The following ZNRF3 variants were observed in gnomAD, a reference collection of about 807,000 sequenced individuals.
ZNRF3 encodes the protein E3 ubiquitin-protein ligase ZNRF3.
A neutral mutation model predicts 72.5 loss-of-function variants in ZNRF3; 23 were observed. The observed-to-expected ratio is 0.32, with a 90% confidence interval of 0.23 to 0.45. ZNRF3 has a LOEUF of 0.45. Ranked by LOEUF, ZNRF3 falls within the 20% of genes least tolerant of loss-of-function variation. The probability of loss-of-function intolerance (pLI) is 1.00; values close to 1 mark genes in which losing one functional copy is unlikely to be tolerated. For synonymous variants in ZNRF3, 610 were observed against 545.3 expected (o/e 1.12, Z -1.65); for missense variants, 1,169 against 1,272.1 (o/e 0.92, Z 1.23).
At chr22:29,022,241 G>C (rs1035488679) in intron 2 of ZNRF3, among the ~76,000 whole-genome samples, 1 of 152,112 alleles carries the variant, frequency 6.6e-6, no homozygotes, top group Non-Finnish European at 1.5e-5. Flanking sequence ...CTCTGAACTT[G>C]GGCCAGGATG....
At chr22:28,942,183 C>G (rs545147937) in intron 1 of ZNRF3, among the ~76,000 whole-genome samples, 1 of 152,212 alleles carries the variant, frequency 6.6e-6, no homozygotes, top group Non-Finnish European at 1.5e-5. Context: ...ATCATACTTT[C>G]TTTGAGGATC....
intron 1 of ZNRF3, among the ~76,000 whole-genome samples, chr22:28,893,146 G>T (rs995817006): frequency 6.6e-6 from 1 of 152,038 alleles, no homozygotes; most frequent in Non-Finnish European, 1.5e-5. Context: ...CAGCCTGAGC[G>T]ACTGAGCGAG....
At chr22:28,961,475 C>T (rs1480605672) in intron 1 of ZNRF3, among the ~76,000 whole-genome samples, 2 of 152,150 alleles carry the variant, frequency 1.3e-5, no homozygotes, top group Non-Finnish European at 2.9e-5. Flanking sequence ...CTAGAAAGAT[C>T]ATGTGGAGGC....
chr22:28,947,311 C>G lies in ZNRF3; in HGVS notation c.301-39765C>G, dbSNP rs181935549. 3.3e-3 allele frequency among the ~76,000 whole-genome samples: 509 copies of G among 152,238 alleles called. 2 individuals are homozygous for G. Among genetic ancestry groups the G allele is most frequent in the Middle Eastern group, 6.8e-3 (2 of 294 alleles). On this transcript the variant is annotated intron_variant, in intron 1 of 8. Transcript: ENST00000544604. Reference sequence around the variant, plus strand: ...TTCACTCTGTTTATTATGAACAATGCTGCTATGAATGTTCATGTACAGCTT... The same window carrying G: ...TTCACTCTGTTTATTATGAACAATGGTGCTATGAATGTTCATGTACAGCTT...
chr22:29,001,973 A>C (rs2036157103), intron 2 of ZNRF3, among the ~76,000 whole-genome samples: 1 of 152,116 alleles, frequency 6.6e-6, no homozygotes, highest in Non-Finnish European at 1.5e-5. Flanking sequence ...TTTTCTCTTC[A>C]AAAGCTTTTA....
intron 1 of ZNRF3, among the ~76,000 whole-genome samples, chr22:28,938,601 T>C (rs1368387331): frequency 6.6e-6 from 1 of 152,206 alleles, no homozygotes; most frequent in African/African-American, 2.4e-5. Flanking sequence ...TGAAGCAGGC[T>C]GTCTCTGGTA....
At chr22:28,979,782 T>C (rs2035733572) in intron 1 of ZNRF3, among the ~76,000 whole-genome samples, 2 of 152,192 alleles carry the variant, frequency 1.3e-5, no homozygotes, top group Non-Finnish European at 2.9e-5. Flanking sequence ...AAGCTCTGTG[T>C]AGGGTGAAAG....
At chr22:28,948,354 C>T (rs1233095461) in intron 1 of ZNRF3, among the ~76,000 whole-genome samples, 1 of 151,250 alleles carries the variant, frequency 6.6e-6, no homozygotes, top group Non-Finnish European at 1.5e-5. Context: ...TTTGTAGAGA[C>T]CGAGTCTTGC....
chr22:28,946,637 C>T (rs1231014801), intron 1 of ZNRF3, among the ~76,000 whole-genome samples: 1 of 152,120 alleles, frequency 6.6e-6, no homozygotes, highest in Non-Finnish European at 1.5e-5. Flanking sequence ...GTTATGGATG[C>T]CATCTTTATT....
chr22:28,939,820 G>C (rs1323668840), intron 1 of ZNRF3, among the ~76,000 whole-genome samples: 1 of 152,096 alleles, frequency 6.6e-6, no homozygotes, highest in South Asian at 2.1e-4. Flanking sequence ...GGTTTTTGAA[G>C]AGTTTTTTTC....
chr22:29,046,574 G>A (rs1356613881), intron 5 of ZNRF3, 142 bp from the exon 6 acceptor site: 2 of 905,652 alleles, frequency 2.2e-6, no homozygotes, highest in African/African-American at 3.4e-5. Flanking sequence ...GGCAGTCTGA[G>A]TTCTGAGCGA....
rs562868990 is a variant in ZNRF3 at position 28,902,058 on chromosome 22, T to C, written c.300+17992T>C. On this transcript the variant is annotated intron_variant, in intron 1 of 8. Transcript: ENST00000544604. ...CTCAAGCAATTCTCCTGCCTCAGCC[T>C]CCTGAGTAGCTGGGATTACAGGTGT... is the stretch of plus-strand genomic sequence containing the variant. Among the ~76,000 whole-genome samples the C allele has an allele frequency of 1.1e-4, 17 of 150,134 alleles. No individual in the cohort carries two copies. The South Asian group carries it at 3.7e-3, about 32-fold the overall frequency.
chr22:28,895,978 T>C (rs1471876686), intron 1 of ZNRF3, among the ~76,000 whole-genome samples: 3 of 152,080 alleles, frequency 2.0e-5, no homozygotes, highest in African/African-American at 7.2e-5. Context: ...TGAGGCGGAG[T>C]CTTGCTCTGT....
At chr22:28,907,723 A>G (rs1236516329) in intron 1 of ZNRF3, among the ~76,000 whole-genome samples, 1 of 152,148 alleles carries the variant, frequency 6.6e-6, no homozygotes, top group East Asian at 1.9e-4. Flanking sequence ...CCCCTTTGCA[A>G]TCAGTGGGGA....
intron 2 of ZNRF3, among the ~76,000 whole-genome samples, chr22:29,003,256 T>C (rs7289239): frequency 0.52 from 78,403 of 152,042 alleles, 20,950 homozygotes; most frequent in African/African-American, 0.67. Context: ...GTGGCTCATG[T>C]CTGTAATCCC....
At chr22:28,941,142 C>T (rs2034939251) in intron 1 of ZNRF3, among the ~76,000 whole-genome samples, 1 of 152,176 alleles carries the variant, frequency 6.6e-6, no homozygotes, top group Non-Finnish European at 1.5e-5. Flanking sequence ...AATCCTATCA[C>T]TGCAAAAATG....
At chr22:29,002,412 A>G (rs2036163572) in intron 2 of ZNRF3, among the ~76,000 whole-genome samples, 1 of 152,230 alleles carries the variant, frequency 6.6e-6, no homozygotes, top group African/African-American at 2.4e-5. Context: ...GCTTATCAAA[A>G]TAAAGGTACA....
chr22:28,900,761 A>G (rs2034086770), intron 1 of ZNRF3, among the ~76,000 whole-genome samples: 1 of 151,966 alleles, frequency 6.6e-6, no homozygotes, highest in South Asian at 2.1e-4. Flanking sequence ...CTTGGAGCCA[A>G]CTCCCCATTA....
chr22:28,952,495 G>GTTTT (rs11401088), intron 1 of ZNRF3, among the ~76,000 whole-genome samples: 12 of 141,854 alleles, frequency 8.5e-5, no homozygotes, highest in African/African-American at 3.1e-4. Flanking sequence ...TCATTTCCAT[G>GTTTT]TTTTTTTTTT....
Sources: allele counts gnomAD v4.1 joint callset (sites outside exome capture counted in the v4.1 genomes callset), GRCh38; gene constraint gnomAD v4.1.1; transcripts MANE v1.5; gene names NCBI Gene and HGNC (gene_info 2026-07-23, HGNC 2026-07-21).